SLCO2B1: variants seen among roughly 807,000 people sequenced by gnomAD.
The protein encoded by SLCO2B1 is OATP-RP2.
A neutral mutation model predicts 67.3 loss-of-function variants in SLCO2B1; 41 were observed. That is an observed-to-expected ratio of 0.61 (90% CI 0.47 to 0.79). The LOEUF (loss-of-function observed/expected upper bound fraction) is 0.79, where lower values mean the gene tolerates loss of function less well. Among genes scored for constraint, SLCO2B1 ranks in the 30% least tolerant of loss-of-function variants. SLCO2B1 has a pLI of 0.00. For missense variants in SLCO2B1, 837 were observed against 920.1 expected (o/e 0.91, Z 1.17); for synonymous variants, 379 against 381.4 (o/e 0.99, Z 0.07).
At chr11:75,192,085 G>A (rs1049707577) in intron 8 of SLCO2B1, among the ~76,000 whole-genome samples, 12 of 151,742 alleles carry the variant, frequency 7.9e-5, no homozygotes, top group African/African-American at 1.7e-4. Context: ...TTTCCTCCTC[G>A]CTTTACCTCC....
At chr11:75,155,813 G>A (rs192603970) in intron 1 of SLCO2B1, among the ~76,000 whole-genome samples, 6 of 152,326 alleles carry the variant, frequency 3.9e-5, no homozygotes, top group East Asian at 3.9e-4. Flanking sequence ...AACACTCCAC[G>A]CTGAGGGGGT....
rs550893631 is a variant in SLCO2B1, at chr11:75,188,613, C to G, written c.1075+375C>G. ...TGATGGTGGGCACCTGTAGTCTCAG[C>G]TGCTTGGGAGGCTGAGGCAGAAGAA... On this transcript the variant is annotated intron_variant, in intron 8 of 13. Coordinates refer to ENST00000289575, the MANE Select transcript of SLCO2B1 (RefSeq NM_007256.5). 2.0e-5 allele frequency among the ~76,000 whole-genome samples: 3 copies of G among 152,294 alleles called. No individual in the cohort carries two copies. The South Asian group carries it at 6.2e-4, about 32-fold the overall frequency.
In SLCO2B1 at chr11:75,169,348, C is replaced by T; in HGVS notation, c.624C>T (p.Pro208=). 1 of 1,613,746 alleles carries T rather than the reference C, an allele frequency of 6.2e-7. No homozygotes were observed. The highest frequency in any genetic ancestry group is 8.5e-7 in the Non-Finnish European group (1 of 1,179,780). The change falls in exon 5 of 14, where the codon CCC becomes CCT. Residue 208 remains proline, a synonymous_variant. Transcript: ENST00000289575. ...LLGVGGVPIQ[P]FGISYIDDFA... ...GCGTGGGCGGGGTGCCCATTCAGCC[C>T]TTTGGCATCTCCTACATCGATGACT...
At position 75,205,703 on chromosome 11, in the gene SLCO2B1, G is replaced by A. The variant is rs1388407851; in HGVS notation, c.*1123G>A. ...GCAGTAAAGCTCAGCTCTGTGTAAT[G>A]AGTGATGCTATGGCTTGCTCGTGTC... is the stretch of plus-strand genomic sequence containing the variant. On this transcript the variant is annotated 3_prime_UTR_variant, in exon 14 of 14. Coordinates refer to ENST00000289575, the MANE Select transcript of SLCO2B1 (RefSeq NM_007256.5). 6.6e-6 allele frequency: 1 copy of A among 152,238 alleles called. No individual in the cohort carries two copies. Among genetic ancestry groups the A allele is most frequent in the Admixed American group, 6.5e-5 (1 of 15,284 alleles). 9.4% of individuals were successfully genotyped at this position (152,238 alleles called of 1,614,324 possible). A position where few individuals can be genotyped will look rare whatever the true frequency, so the allele number is the denominator to read the frequency against.
At chr11:75,157,108 G>A (rs186560326) in intron 1 of SLCO2B1, 1 of 152,360 alleles carries the variant, frequency 6.6e-6, no homozygotes, top group African/African-American at 2.4e-5. Context: ...AGATGGAGAT[G>A]GAGATGGGTA....
chr11:75,156,108 CACTT>C (rs1476247276), intron 1 of SLCO2B1, among the ~76,000 whole-genome samples: 1 of 152,166 alleles, frequency 6.6e-6, no homozygotes, highest in Non-Finnish European at 1.5e-5. Context: ...ACTGCTCACT[CACTT>C]ACAGAGAAGA....
chr11:75,204,218 C>CCTCTGCTCCCACCCAGGG, intron 13 of SLCO2B1, 182 bp from the exon 14 acceptor site: 1 of 570,154 alleles, frequency 1.8e-6, no homozygotes, highest in South Asian at 2.8e-5. Flanking sequence ...GATGGCCAGG[C>CCTCTGCTCCCACCCAGGG]CTCTGCTCCC....
intron 6 of SLCO2B1, 54 bp downstream of exon 6, chr11:75,169,818 CAT>C (rs1395290878): frequency 2.1e-5 from 30 of 1,445,978 alleles, no homozygotes; most frequent in Non-Finnish European, 2.9e-5. Flanking sequence ...CTGCCACTCT[CAT>C]AGGAGACATT....
rs770552231 is a variant in SLCO2B1, at chr11:75,169,304, G to A, written c.580G>A (p.Val194Met). ...QHLSVVGIMF[V>M]AQTLLGVGGV... is the part of the protein sequence containing the mutation. ...TCTGAGTGTGGTGGGGATCATGTTC[G>A]TGGCACAGACCCTGCTGGGCGTGGG... Residue 194 changes from valine to methionine, a missense_variant, in exon 5 of 14, where the codon GTG becomes ATG. By Grantham distance (21) the Val-to-Met change is conservative (BLOSUM62 1). Coordinates refer to ENST00000289575, the MANE Select transcript of SLCO2B1 (RefSeq NM_007256.5). The A allele has an allele frequency of 1.9e-5, 30 of 1,614,034 alleles. No homozygotes were observed. The highest frequency in any genetic ancestry group is 4.5e-5 in the East Asian group (2 of 44,886).
intron 3 of SLCO2B1, 129 bp downstream of exon 3, chr11:75,164,229 C>A: frequency 1.0e-6 from 1 of 1,004,966 alleles, no homozygotes; most frequent in Non-Finnish European, 1.4e-6. Context: ...ACCCCTGTCC[C>A]AGCGCCTGCC....
chr11:75,155,533 C>G (rs913629975), intron 1 of SLCO2B1, among the ~76,000 whole-genome samples: 1 of 152,238 alleles, frequency 6.6e-6, no homozygotes, highest in African/African-American at 2.4e-5. Context: ...TCTCGGCTCA[C>G]TGCACCCTCG....
chr11:75,177,748 T>C (rs1485077397), intron 7 of SLCO2B1, among the ~76,000 whole-genome samples: 3 of 152,146 alleles, frequency 2.0e-5, no homozygotes, highest in African/African-American at 4.8e-5. Context: ...CAGATGTTCT[T>C]CATAAATAAG....
intron 1 of SLCO2B1, among the ~76,000 whole-genome samples, chr11:75,161,197 C>G (rs1949815781): frequency 6.6e-6 from 1 of 152,130 alleles, no homozygotes; most frequent in African/African-American, 2.4e-5. Flanking sequence ...CACAAAAGGC[C>G]ACATATTGTG....
intron 4 of SLCO2B1, among the ~76,000 whole-genome samples, chr11:75,168,327 A>C (rs1195789012): frequency 2.0e-5 from 3 of 152,176 alleles, no homozygotes; most frequent in Non-Finnish European, 4.4e-5. Context: ...ACCTTGGTTC[A>C]CATGGCTCTT....
At position 75,172,449 on chromosome 11, in the gene SLCO2B1, C is replaced by T. The variant is rs141068938; in HGVS notation, c.852C>T (p.Ala284=). Residue 284 remains alanine (A), a synonymous_variant, in exon 7 of 14, where the codon GCC becomes GCT. Transcript: ENST00000289575. ...GAWWLGFLIA[A]GAVALAAIPY... ...GGTGGCTGGGTTTCCTCATCGCTGCCGGTGCAGTGGCCCTGGCTGCCATCC... is the reference window on the plus strand; with the variant it reads ...GGTGGCTGGGTTTCCTCATCGCTGCTGGTGCAGTGGCCCTGGCTGCCATCC... 2.0e-4 allele frequency: 330 copies of T among 1,614,172 alleles called. No individual in the cohort carries two copies. In the South Asian group the frequency reaches 2.4e-3, roughly 12 times the overall value.
At chr11:75,173,766 C>T (rs1012929753) in intron 7 of SLCO2B1, among the ~76,000 whole-genome samples, 1 of 152,142 alleles carries the variant, frequency 6.6e-6, no homozygotes, top group Non-Finnish European at 1.5e-5. Flanking sequence ...AACAAATTGG[C>T]TTCAAATTAA....
At chr11:75,182,913 C>T (rs1950106986) in intron 7 of SLCO2B1, among the ~76,000 whole-genome samples, 1 of 151,122 alleles carries the variant, frequency 6.6e-6, no homozygotes, top group Admixed American at 6.6e-5. Flanking sequence ...AGTCTGTCCC[C>T]AGGCTGTTCT....
In SLCO2B1 at chr11:75,193,064, A is replaced by G. The variant is rs574029057; in HGVS notation, c.1076-154A>G. On this transcript the variant is annotated intron_variant, in intron 8 of 13. Coordinates refer to ENST00000289575, the MANE Select transcript of SLCO2B1 (RefSeq NM_007256.5). This position sits in a 1 kb window ranked among gnomAD's most constrained non-coding sequence, Gnocchi z 4.2. ...AAAGGGACTAGAGTAAATGGAATGG[A>G]GTCAAGTGGGATAAAATTGATTGCA... Among the ~76,000 whole-genome samples the G allele has an allele frequency of 6.6e-6, 1 of 152,258 alleles. No individual in the cohort carries two copies. The highest frequency in any genetic ancestry group is 2.1e-4 in the South Asian group (1 of 4,820).
chr11:75,163,388 T>A (rs10899079), intron 2 of SLCO2B1, among the ~76,000 whole-genome samples: 1 of 151,950 alleles, frequency 6.6e-6, no homozygotes, highest in Admixed American at 6.5e-5. Flanking sequence ...TCCAGGCAGG[T>A]TGCGATGTTT....
Sources: gnomAD v4.1 joint callset for allele counts (sites outside exome capture counted in the v4.1 genomes callset) on GRCh38, gnomAD v4.1.1 for gene constraint, Gnocchi (gnomAD v3.1) non-coding constraint, MANE v1.5 for transcripts, NCBI Gene and HGNC (gene_info 2026-07-23, HGNC 2026-07-21) for gene names.